Variants in SLC17A1 observed in about 807,000 individuals in gnomAD.
SLC17A1 encodes sodium-dependent phosphate transport protein 1.
In SLC17A1, 51 loss-of-function variants were observed where a neutral mutation model predicts 53.5. The observed-to-expected ratio is 0.95, with a 90% CI of 0.76 to 1.20. SLC17A1 has a LOEUF of 1.20. Ranked by LOEUF, SLC17A1 falls within the 50% of genes most tolerant of loss-of-function variation. The pLI is 0.00. For missense variants in SLC17A1, 538 were observed against 568.2 expected (o/e 0.95, Z 0.54); for synonymous variants, 179 against 198.8 (o/e 0.90, Z 0.84).
the SLC17A1 span, among the ~76,000 whole-genome samples, chr6:25,761,024 G>C: frequency 6.6e-6 from 1 of 152,072 alleles, no homozygotes; most frequent in Non-Finnish European, 1.5e-5. Context: ...ATAATATATA[G>C]AGCTTCATCT....
the SLC17A1 span, among the ~76,000 whole-genome samples, chr6:25,745,167 A>G: frequency 1.3e-5 from 2 of 152,186 alleles, no homozygotes. Flanking sequence ...AAATTGATAG[A>G]ATTTTTACAA....
At chr6:25,741,446 G>A in the SLC17A1 span, among the ~76,000 whole-genome samples, 50,935 of 145,434 alleles carry the variant, frequency 0.35, 10,202 homozygotes, top group Middle Eastern at 0.5. Flanking sequence ...AGGGCGCAGC[G>A]GGTCACGCCG....
rs370460268 is a variant in SLC17A1 at position 25,811,461 on chromosome 6, G to C, written c.1115C>G (p.Ala372Gly). 1 of 1,613,910 alleles carries C rather than the reference G, an allele frequency of 6.2e-7. No homozygotes were observed. The highest frequency in any genetic ancestry group is 2.2e-5 in the East Asian group (1 of 44,878). ...CAAGCAAAAGCTGCCTGTTGCACCA[G>C]CAAGTATTAGGAAAATGACAATGCT... is the stretch of plus-strand genomic sequence containing the variant. ...FYSIVIFLIL[A>G]GATGSFCLGG... Residue 372 changes from alanine to glycine, a missense_variant, in exon 10 of 13, where the codon GCT becomes GGT. By Grantham distance (60) the Ala-to-Gly change is moderately conservative (BLOSUM62 0). Coordinates refer to ENST00000244527, the MANE Select transcript of SLC17A1 (RefSeq NM_005074.5).
Position 25,801,922 on chromosome 6 carries a change from T to C in SLC17A1, c.1179-942A>G, listed in dbSNP as rs534707451. Among the ~76,000 whole-genome samples the C allele has an allele frequency of 2.7e-3, 346 of 127,188 alleles. 1 individual carries two copies. Among genetic ancestry groups the C allele is most frequent in the African/African-American group, 0.01 (321 of 31,900 alleles). The allele number at this position is 127,188 out of a possible 152,430, so 83.4% of individuals were successfully genotyped here. On this transcript the variant is annotated intron_variant, in intron 10 of 12. Transcript: ENST00000244527. ...CTTTTTGACGATCTAGGGAGTGTGT[T>C]GTAATGGATGAAGAAGTACATTTAT...
chr6:25,766,560 A>G, the SLC17A1 span, among the ~76,000 whole-genome samples: 1 of 152,118 alleles, frequency 6.6e-6, no homozygotes, highest in Non-Finnish European at 1.5e-5. Flanking sequence ...AACCTGACAA[A>G]CACTACCTCA....
At chr6:25,725,304 C>T in the SLC17A1 span, among the ~76,000 whole-genome samples, 2 of 152,126 alleles carry the variant, frequency 1.3e-5, no homozygotes, top group African/African-American at 4.8e-5. Flanking sequence ...TGGCGTAAGG[C>T]TTCTTTTTGA....
the SLC17A1 span, chr6:25,776,567 T>G: frequency 3.8e-6 from 6 of 1,571,846 alleles, no homozygotes; most frequent in Non-Finnish European, 5.2e-6. Flanking sequence ...TAAGGGCACA[T>G]GCACCTGACC....
the SLC17A1 span, among the ~76,000 whole-genome samples, chr6:25,754,473 G>A: frequency 6.6e-6 from 1 of 152,170 alleles, no homozygotes; most frequent in African/African-American, 2.4e-5. Flanking sequence ...AGTGCTGTCA[G>A]TGAAACATGT....
chr6:25,726,364 A>T, the SLC17A1 span: 1 of 1,614,152 alleles, frequency 6.2e-7, no homozygotes, highest in African/African-American at 1.3e-5. Flanking sequence ...ATACTCTAAC[A>T]CTGCCGCCAA....
At chr6:25,755,036 G>GAC in the SLC17A1 span, among the ~76,000 whole-genome samples, 16 of 106,780 alleles carry the variant, frequency 1.5e-4, no homozygotes, top group Admixed American at 2.1e-4. Flanking sequence ...CAGACAGACA[G>GAC]ACACACACAC....
At chr6:25,831,694 G>T (rs935769343) in intron 1 of SLC17A1, among the ~76,000 whole-genome samples, 2 of 152,010 alleles carry the variant, frequency 1.3e-5, no homozygotes, top group Non-Finnish European at 1.5e-5. Context: ...GATGCACCAG[G>T]CGTACACAGT....
the SLC17A1 span, among the ~76,000 whole-genome samples, chr6:25,749,572 G>A: frequency 6.6e-6 from 1 of 152,162 alleles, no homozygotes; most frequent in Non-Finnish European, 1.5e-5. Flanking sequence ...TTCTTGAACT[G>A]TATACAGGTA....
chr6:25,734,915 A>C, the SLC17A1 span, among the ~76,000 whole-genome samples: 1 of 152,248 alleles, frequency 6.6e-6, no homozygotes, highest in Non-Finnish European at 1.5e-5. Context: ...AAATAAAATC[A>C]GATTTAAGTA....
At chr6:25,724,626 C>T in the SLC17A1 span, among the ~76,000 whole-genome samples, 2 of 152,180 alleles carry the variant, frequency 1.3e-5, 1 homozygote, top group Non-Finnish European at 2.9e-5. Context: ...TACACAGGTT[C>T]TCTTCTATAA....
At chr6:25,791,981 A>C (rs1395617921) in intron 12 of SLC17A1, among the ~76,000 whole-genome samples, 1 of 152,188 alleles carries the variant, frequency 6.6e-6, no homozygotes, top group Non-Finnish European at 1.5e-5. Context: ...CATTCACCTA[A>C]ATCTATTTAC....
At chr6:25,765,281 G>A in the SLC17A1 span, among the ~76,000 whole-genome samples, 1 of 152,354 alleles carries the variant, frequency 6.6e-6, no homozygotes, top group East Asian at 1.9e-4. Flanking sequence ...CCCTGTGTTA[G>A]ACACTGTTCT....
At chr6:25,762,636 A>G in the SLC17A1 span, among the ~76,000 whole-genome samples, 3 of 152,206 alleles carry the variant, frequency 2.0e-5, no homozygotes, top group Non-Finnish European at 4.4e-5. Context: ...TCAAAAGGCA[A>G]AACCCTAACC....
the SLC17A1 span, among the ~76,000 whole-genome samples, chr6:25,730,327 C>G: frequency 9.9e-4 from 151 of 152,108 alleles, 1 homozygote; most frequent in African/African-American, 3.6e-3. Context: ...ACTATTTGGC[C>G]TCAAAAAAGA....
the SLC17A1 span, among the ~76,000 whole-genome samples, chr6:25,748,598 G>C: frequency 2.4e-4 from 37 of 152,170 alleles, no homozygotes; most frequent in Admixed American, 2.6e-4. Flanking sequence ...GTGGGCTCAG[G>C]AGACCGGCGC....
Sources: allele counts gnomAD v4.1 joint callset (sites outside exome capture counted in the v4.1 genomes callset), GRCh38; gene constraint gnomAD v4.1.1; transcripts MANE v1.5; gene names NCBI Gene and HGNC (gene_info 2026-07-23, HGNC 2026-07-21).